DPYSL2: variants seen among roughly 807,000 people sequenced by gnomAD.
The protein encoded by DPYSL2 is dihydropyrimidinase-related protein 2.
In DPYSL2, 13 loss-of-function variants were observed where a neutral mutation model predicts 69.9. The ratio of observed to expected loss-of-function variants is 0.19; its 90% CI spans 0.12 to 0.30. The LOEUF (loss-of-function observed/expected upper bound fraction) is 0.30, where lower values mean the gene tolerates loss of function less well. DPYSL2 is among the 10% of genes least tolerant of loss of function. DPYSL2 has a pLI of 1.00. For synonymous variants in DPYSL2, 326 were observed against 359.1 expected (o/e 0.91, Z 1.04); for missense variants, 587 against 918.9 (o/e 0.64, Z 4.67).
chr8:26,574,706 A>C (rs1296106390), intron 1 of DPYSL2, among the ~76,000 whole-genome samples: 3 of 152,212 alleles, frequency 2.0e-5, no homozygotes, highest in Non-Finnish European at 2.9e-5. Flanking sequence ...ATTTTACAGG[A>C]AATTTTCATT....
chr8:26,618,689 C>T (rs1412484220), intron 3 of DPYSL2, among the ~76,000 whole-genome samples: 2 of 148,172 alleles, frequency 1.3e-5, no homozygotes, highest in East Asian at 2.0e-4. Context: ...CCTGTAATCC[C>T]AGCACTTTGG....
At chr8:26,623,888 G>T in intron 3 of DPYSL2, 1 of 413,170 alleles carries the variant, frequency 2.4e-6, no homozygotes, top group Non-Finnish European at 4.4e-6. Flanking sequence ...GCTTTCAGGG[G>T]TTTTGGGAAA....
At chr8:26,594,221 G>GT (rs1175888358) in intron 3 of DPYSL2, among the ~76,000 whole-genome samples, 1 of 152,084 alleles carries the variant, frequency 6.6e-6, no homozygotes, top group Admixed American at 6.5e-5. Context: ...GAAAAAGTGA[G>GT]TTTTTTTGTG....
rs144070552 is a variant in DPYSL2, at chr8:26,606,453, T to A, written c.629-17690T>A. Among the ~76,000 whole-genome samples the A allele has an allele frequency of 1.8e-3, 263 of 147,438 alleles. 1 individual carries two copies. Among genetic ancestry groups the A allele is most frequent in the African/African-American group, 5.9e-3 (234 of 39,330 alleles). ...AGTAATTAAAAACATTACTAACAGT[T>A]TAATAATAAAAGGATAACGAAGTAG... On this transcript the variant is annotated intron_variant, in intron 3 of 13. Transcript: ENST00000521913.
rs191251722 is a variant in DPYSL2, at chr8:26,527,620, G to A, written c.354+12941G>A. On this transcript the variant is annotated intron_variant, in intron 1 of 13. Transcript: ENST00000521913. The stretch of plus-strand genomic sequence containing the variant: ...CACGCACATTTCAAAAATGAATTGG[G>A]GGGGCTGTTGCCAACTTTTTATGTT... Among the ~76,000 whole-genome samples, 59 of 152,090 alleles carry A rather than the reference G, an allele frequency of 3.9e-4. 1 individual carries two copies. Among genetic ancestry groups the A allele is most frequent in the African/African-American group, 1.1e-3 (44 of 41,482 alleles).
intron 13 of DPYSL2, 36 bp from the exon 14 acceptor site, chr8:26,655,579 C>G (rs368601512): frequency 1.9e-6 from 3 of 1,554,192 alleles, no homozygotes; most frequent in South Asian, 1.1e-5. Context: ...ACTGTCCTGG[C>G]CCCTCACCCG....
rs561756036 is a variant in DPYSL2, at chr8:26,654,505, A to T, written c.1942+1108A>T. 7.9e-5 allele frequency among the ~76,000 whole-genome samples: 12 copies of T among 152,316 alleles called. No individual in the cohort carries two copies. The South Asian group carries it at 2.5e-3, about 32-fold the overall frequency. ...TGGATTACCAGTTTTCAAAACATTT[A>T]AAAATAAGGAACTTTACTTTGTTGT... On this transcript the variant is annotated intron_variant, in intron 13 of 13. Coordinates refer to ENST00000521913, the MANE Select transcript of DPYSL2 (RefSeq NM_001197293.3). The surrounding 1 kb of genome is among the most constrained non-coding windows in gnomAD (Gnocchi z 5.0).
At chr8:26,603,467 G>A (rs1042758021) in intron 3 of DPYSL2, among the ~76,000 whole-genome samples, 4 of 152,140 alleles carry the variant, frequency 2.6e-5, no homozygotes, top group African/African-American at 4.8e-5. Flanking sequence ...CACCGCGCCC[G>A]GCTCTTTCTT....
Position 26,643,740 on chromosome 8 carries a change from C to T in DPYSL2, c.1283+145C>T, listed in dbSNP as rs536359115. On this transcript the variant is annotated intron_variant, in intron 9 of 13. Transcript: ENST00000521913. The surrounding 1 kb of genome is among the most constrained non-coding windows in gnomAD (Gnocchi z 6.5). ...CCAAACTAGGTTGGCTACATGAGTACAGGGAATTGTCATTCTAGCACCATT... is the reference window on the plus strand; with the variant it reads ...CCAAACTAGGTTGGCTACATGAGTATAGGGAATTGTCATTCTAGCACCATT... The T allele has an allele frequency of 1.2e-5, 15 of 1,296,360 alleles. No homozygotes were observed. In the South Asian group the frequency reaches 1.8e-4, roughly 16 times the overall value. The allele number at this position is 1,296,360 out of a possible 1,614,324, so 80.3% of individuals were successfully genotyped here.
At chr8:26,604,633 C>G (rs934367649) in intron 3 of DPYSL2, among the ~76,000 whole-genome samples, 1 of 152,024 alleles carries the variant, frequency 6.6e-6, no homozygotes, top group African/African-American at 2.4e-5. Context: ...ATCTTCATCT[C>G]AACCTACTCC....
chr8:26,578,305 A>T, intron 1 of DPYSL2: 1 of 1,614,106 alleles, frequency 6.2e-7, no homozygotes, highest in Non-Finnish European at 8.5e-7. Context: ...TGAGTTTGGT[A>T]CTTGGGAAAT....
chr8:26,581,719 T>TTG (rs1368199327), intron 1 of DPYSL2, among the ~76,000 whole-genome samples: 2 of 152,084 alleles, frequency 1.3e-5, no homozygotes, highest in African/African-American at 2.4e-5. Flanking sequence ...TTTTTTTTCT[T>TTG]TGGAGTCCAA....
In DPYSL2 at chr8:26,650,091, A is replaced by T. The variant is rs1429386264; in HGVS notation, c.1597-2166A>T. Among the ~76,000 whole-genome samples, 1 of 152,150 alleles carries T rather than the reference A, an allele frequency of 6.6e-6. No individual in the cohort carries two copies. The highest frequency in any genetic ancestry group is 1.5e-5 in the Non-Finnish European group (1 of 68,028). ...AGAGCCAGACAGTGAATGAGTGAAG[A>T]TTTTCTAAATGCCTACTGTGAGCCA... On this transcript the variant is annotated intron_variant, in intron 11 of 13. Transcript: ENST00000521913. The surrounding 1 kb of genome is among the most constrained non-coding windows in gnomAD (Gnocchi z 5.3).
At position 26,565,356 on chromosome 8, in the gene DPYSL2, GGGCT is replaced by G. The variant is rs1431745155; in HGVS notation, c.355-16611_355-16608del. 6.6e-6 allele frequency among the ~76,000 whole-genome samples: 1 copy of G among 152,150 alleles called. No individual in the cohort carries two copies. The highest frequency in any genetic ancestry group is 6.5e-5 in the Admixed American group (1 of 15,278). On this transcript the variant is annotated intron_variant, in intron 1 of 13. Coordinates refer to ENST00000521913, the MANE Select transcript of DPYSL2 (RefSeq NM_001197293.3). The surrounding 1 kb of genome is among the most constrained non-coding windows in gnomAD (Gnocchi z 4.1). The stretch of plus-strand genomic sequence containing the variant: ...AGTGGTTAGGGAATAGTGAATTTTA[GGGCT>G]GCCCCAGGATTGGGAGGTTGCAGGG...
chr8:26,579,405 G>A (rs545838160), intron 1 of DPYSL2, among the ~76,000 whole-genome samples: 1 of 152,350 alleles, frequency 6.6e-6, no homozygotes, highest in South Asian at 2.1e-4. Flanking sequence ...GAACACCAGG[G>A]AAATTCATTG....
chr8:26,598,370 C>G lies in DPYSL2; in HGVS notation c.628+14387C>G, dbSNP rs1461864375. Among the ~76,000 whole-genome samples, 3 of 152,202 alleles carry G rather than the reference C, an allele frequency of 2.0e-5. No individual in the cohort carries two copies. Among genetic ancestry groups the G allele is most frequent in the Non-Finnish European group, 4.4e-5 (3 of 68,034 alleles). The stretch of plus-strand genomic sequence containing the variant: ...TTTTTGTGGATGTTTTAGAGCTCCT[C>G]CTCTCCATCTCCTGAATTTCTTTTC... On this transcript the variant is annotated intron_variant, in intron 3 of 13. Transcript: ENST00000521913. The surrounding 1 kb of genome is among the most constrained non-coding windows in gnomAD (Gnocchi z 4.2).
At chr8:26,607,460 G>A (rs1802131118) in intron 3 of DPYSL2, among the ~76,000 whole-genome samples, 1 of 142,220 alleles carries the variant, frequency 7.0e-6, no homozygotes, top group Admixed American at 7.4e-5. Context: ...TGTAGCCTGG[G>A]CAACAGAGTG....
intron 7 of DPYSL2, among the ~76,000 whole-genome samples, chr8:26,629,055 A>T (rs1585558267): frequency 6.6e-6 from 1 of 152,294 alleles, no homozygotes; most frequent in East Asian, 1.9e-4. Flanking sequence ...ATGAGGCTGG[A>T]AGAGGAGAAA....
At chr8:26,613,777 A>G (rs556973339) in intron 3 of DPYSL2, among the ~76,000 whole-genome samples, 17 of 152,232 alleles carry the variant, frequency 1.1e-4, no homozygotes, top group African/African-American at 4.1e-4. Context: ...GACATTTTGA[A>G]TAGATGTTAG....
Sources: gnomAD v4.1 joint callset for allele counts (sites outside exome capture counted in the v4.1 genomes callset) on GRCh38, gnomAD v4.1.1 for gene constraint, Gnocchi (gnomAD v3.1) non-coding constraint, MANE v1.5 for transcripts, NCBI Gene and HGNC (gene_info 2026-07-23, HGNC 2026-07-21) for gene names.